Variants in PDK1 observed in about 807,000 individuals in gnomAD.
PDK1 encodes the protein [Pyruvate dehydrogenase (acetyl-transferring)] kinase isozyme 1, mitochondrial.
A neutral mutation model predicts 54.2 loss-of-function variants in PDK1; 39 were observed. The ratio of observed to expected loss-of-function variants is 0.72; its 90% CI spans 0.56 to 0.94. PDK1 has a LOEUF of 0.94. PDK1 is among the 40% of genes least tolerant of loss of function. PDK1 has a pLI of 0.00. For synonymous variants in PDK1, 221 were observed against 207.1 expected (o/e 1.07, Z -0.58); for missense variants, 552 against 566.0 (o/e 0.98, Z 0.25).
the PDK1 span, among the ~76,000 whole-genome samples, chr2:172,668,148 C>G: frequency 2.0e-5 from 3 of 152,122 alleles, no homozygotes; most frequent in South Asian, 2.1e-4. Context: ...AATTCCTTCC[C>G]AAATATGAAT....
At chr2:172,612,699 T>C (rs1691501110), downstream of PDK1, among the ~76,000 whole-genome samples, 1 of 152,052 alleles carries the variant, frequency 6.6e-6, no homozygotes, top group African/African-American at 2.4e-5. Flanking sequence ...GGAGTTTCAC[T>C]GTTAATTGTC....
the PDK1 span, among the ~76,000 whole-genome samples, chr2:172,641,047 C>CTCTT: frequency 6.9e-6 from 1 of 145,318 alleles, no homozygotes; most frequent in Admixed American, 7.0e-5. Flanking sequence ...TTCTGTCTCT[C>CTCTT]TCTTTCTTTC....
the PDK1 span, among the ~76,000 whole-genome samples, chr2:172,693,994 CT>C: frequency 1.1e-4 from 17 of 152,348 alleles, no homozygotes; most frequent in African/African-American, 4.1e-4. Context: ...TCCTCATACC[CT>C]TTTGCTTCCT....
intron 8 of PDK1, among the ~76,000 whole-genome samples, chr2:172,577,984 C>A (rs997752546): frequency 6.6e-6 from 1 of 152,112 alleles, no homozygotes; most frequent in South Asian, 2.1e-4. Context: ...TGAAGGATTC[C>A]CTTTGGTATT....
chr2:172,632,241 C>T, the PDK1 span, among the ~76,000 whole-genome samples: 1 of 151,578 alleles, frequency 6.6e-6, no homozygotes, highest in Non-Finnish European at 1.5e-5. Flanking sequence ...CACTCCACTC[C>T]AGCCTGGGTG....
At chr2:172,557,405 T>A (rs1385804267) in intron 1 of PDK1, among the ~76,000 whole-genome samples, 1 of 152,188 alleles carries the variant, frequency 6.6e-6, no homozygotes. Context: ...TTTAGTTTAA[T>A]TTTAAATGGA....
At chr2:172,680,975 G>A in the PDK1 span, among the ~76,000 whole-genome samples, 3 of 152,208 alleles carry the variant, frequency 2.0e-5, no homozygotes, top group Non-Finnish European at 2.9e-5. Flanking sequence ...CAACTCAGGG[G>A]AAGTATAAAT....
At chr2:172,571,511 C>T (rs1689257337) in intron 8 of PDK1, among the ~76,000 whole-genome samples, 2 of 152,126 alleles carry the variant, frequency 1.3e-5, no homozygotes, top group African/African-American at 4.8e-5. Flanking sequence ...CTGCAGGCTG[C>T]AGGCATGCAA....
intron 8 of PDK1, among the ~76,000 whole-genome samples, chr2:172,583,806 CTAT>C (rs1422871644): frequency 6.6e-6 from 1 of 151,880 alleles, no homozygotes; most frequent in African/African-American, 2.4e-5. Flanking sequence ...GCCATTCAGC[CTAT>C]TGACTTTTAA....
chr2:172,667,615 G>T, the PDK1 span, among the ~76,000 whole-genome samples: 6 of 152,138 alleles, frequency 3.9e-5, no homozygotes, highest in Admixed American at 3.9e-4. Context: ...CATGGTTTTC[G>T]CAAATATTAC....
the PDK1 span, among the ~76,000 whole-genome samples, chr2:172,642,850 TCTCCTC>T: frequency 6.9e-6 from 1 of 143,886 alleles, no homozygotes; most frequent in Admixed American, 6.8e-5. Flanking sequence ...TCCTTCTCCT[TCTCCTC>T]CTTCTCCTCC....
rs1691082624 is a variant in PDK1, at chr2:172,600,670, T to G, written c.*4701T>G. 1 of 152,170 alleles carries G rather than the reference T, an allele frequency of 6.6e-6. No individual in the cohort carries two copies. The highest frequency in any genetic ancestry group is 1.5e-5 in the Non-Finnish European group (1 of 68,040). 9.4% of individuals were successfully genotyped at this position (152,170 alleles called of 1,614,324 possible). A position where few individuals can be genotyped will look rare whatever the true frequency, so the allele number is the denominator to read the frequency against. On this transcript the variant is annotated 3_prime_UTR_variant, in exon 11 of 11. Coordinates refer to ENST00000282077, the MANE Select transcript of PDK1 (RefSeq NM_002610.5). ...CAAGTTGTAGTAAAAATGTCAGGGTTTTTATAAATGGGCTAGTGAGGAGGG... is the reference window on the plus strand; with the variant it reads ...CAAGTTGTAGTAAAAATGTCAGGGTGTTTATAAATGGGCTAGTGAGGAGGG...
At position 172,556,093 on chromosome 2, in the gene PDK1, C is replaced by T. The variant is rs2149168170; in HGVS notation, c.-58C>T. ...CCCGCCACGTCCCTCACGTACCACT[C>T]GGCAGAGGCGCGGGGAAACCTGGCG... On this transcript the variant is annotated 5_prime_UTR_variant, in exon 1 of 11. Transcript: ENST00000282077. 7 of 1,271,148 alleles carry T rather than the reference C, an allele frequency of 5.5e-6. No individual in the cohort carries two copies. The highest frequency in any genetic ancestry group is 6.1e-6 in the Non-Finnish European group (6 of 987,076). The allele number at this position is 1,271,148 out of a possible 1,614,324, so 78.7% of individuals were successfully genotyped here. A position where few individuals can be genotyped will look rare whatever the true frequency, so the allele number is the denominator to read the frequency against.
At chr2:172,574,895 A>G (rs1428427115) in intron 8 of PDK1, among the ~76,000 whole-genome samples, 2 of 152,362 alleles carry the variant, frequency 1.3e-5, no homozygotes, top group East Asian at 3.9e-4. Flanking sequence ...AACCTCTAGT[A>G]CAGTGTTGAA....
the PDK1 span, among the ~76,000 whole-genome samples, chr2:172,664,501 A>G: frequency 6.6e-6 from 1 of 151,920 alleles, no homozygotes; most frequent in African/African-American, 2.4e-5. Flanking sequence ...GCCTTGGAGT[A>G]TGATCCTTCT....
chr2:172,595,742 C>A, intron 10 of PDK1, 87 bp from the exon 11 acceptor site: 1 of 1,052,414 alleles, frequency 9.5e-7, no homozygotes, highest in South Asian at 1.4e-5. Flanking sequence ...TTTAATTTGT[C>A]GTAACCTTTT....
the PDK1 span, among the ~76,000 whole-genome samples, chr2:172,710,093 T>G: frequency 6.6e-6 from 1 of 152,172 alleles, no homozygotes; most frequent in Non-Finnish European, 1.5e-5. Context: ...GGGAACTTAG[T>G]GCAGGTGAAC....
chr2:172,609,385 T>G (rs1397923132), downstream of PDK1, among the ~76,000 whole-genome samples: 1 of 152,250 alleles, frequency 6.6e-6, no homozygotes, highest in African/African-American at 2.4e-5. Context: ...CTGTTAAGTA[T>G]CATATTAAAC....
At chr2:172,613,306 A>G (rs1691520361), downstream of PDK1, among the ~76,000 whole-genome samples, 1 of 152,222 alleles carries the variant, frequency 6.6e-6, no homozygotes. Flanking sequence ...GAACTGACAG[A>G]TGGAGCTTAT....
Sources: gnomAD v4.1 joint callset for allele counts (sites outside exome capture counted in the v4.1 genomes callset) on GRCh38, gnomAD v4.1.1 for gene constraint, MANE v1.5 for transcripts, NCBI Gene and HGNC (gene_info 2026-07-23, HGNC 2026-07-21) for gene names.